COL23A1: variants seen among roughly 807,000 people sequenced by gnomAD.
COL23A1 encodes the protein collagen alpha-1(XXIII) chain.
COL23A1 carries 97 observed loss-of-function variants against 99.3 expected under a neutral mutation model. The observed-to-expected ratio is 0.98, with a 90% CI of 0.83 to 1.16. The LOEUF is 1.16. COL23A1 is among the 50% of genes most tolerant of loss of function. The probability of loss-of-function intolerance (pLI) is 0.00; values close to 1 mark genes in which losing one functional copy is unlikely to be tolerated. For missense variants in COL23A1, 762 were observed against 757.4 expected (o/e 1.01, Z -0.07); for synonymous variants, 320 against 308.2 (o/e 1.04, Z -0.40).
chr5:178,315,708 G>C (rs1029493528), intron 2 of COL23A1, among the ~76,000 whole-genome samples: 13 of 151,946 alleles, frequency 8.6e-5, no homozygotes, highest in Non-Finnish European at 1.8e-4. Context: ...CCAGTCAAGG[G>C]GCTGAGGTTG....
intron 1 of COL23A1, 77 bp from the exon 2 acceptor site, chr5:178,560,825 TC>T: frequency 7.0e-7 from 1 of 1,431,612 alleles, no homozygotes; most frequent in Non-Finnish European, 9.6e-7. Context: ...AGTGGAAACA[TC>T]AGCAAAAACA....
intron 19 of COL23A1, among the ~76,000 whole-genome samples, chr5:178,248,815 T>C (rs1005869520): frequency 8.5e-5 from 13 of 152,278 alleles, no homozygotes; most frequent in Non-Finnish European, 2.9e-5. Flanking sequence ...GGATGCAAAC[T>C]TGGGCAGTTT....
At chr5:178,412,208 A>G (rs1281946001) in intron 2 of COL23A1, among the ~76,000 whole-genome samples, 2 of 152,254 alleles carry the variant, frequency 1.3e-5, no homozygotes, top group Non-Finnish European at 2.9e-5. Flanking sequence ...GCATGTGACA[A>G]TGTGATCTCT....
intron 2 of COL23A1, among the ~76,000 whole-genome samples, chr5:178,432,338 A>G (rs1766308130): frequency 6.6e-6 from 1 of 152,234 alleles, no homozygotes; most frequent in African/African-American, 2.4e-5. Context: ...AAAGCCAAAC[A>G]GAGGACATTT....
intron 2 of COL23A1, among the ~76,000 whole-genome samples, chr5:178,532,901 C>T (rs894436620): frequency 3.0e-4 from 45 of 152,284 alleles, no homozygotes; most frequent in African/African-American, 1.0e-3. Flanking sequence ...AACCCGACCA[C>T]GCTGGCCCTG....
Position 178,262,240 on chromosome 5 carries a change from C to T in COL23A1, c.652G>A (p.Glu218Lys), listed in dbSNP as rs373132226. The change falls in exon 10 of 29, where the codon GAG becomes AAG. Residue 218 changes from glutamate (E) to lysine (K), a missense_variant. Glu to Lys is a moderately conservative substitution (Grantham distance 56). Transcript: ENST00000390654. The part of the protein sequence containing the change: ...GAQGPAGPKG[E>K]PGQDGEMGPK... Reference sequence around the variant, plus strand: ...ACCATCTCGCCGTCTTGTCCGGGCTCTCCTTTGGGGCCCTGCGGAAGTGTG... The same window carrying T: ...ACCATCTCGCCGTCTTGTCCGGGCTTTCCTTTGGGGCCCTGCGGAAGTGTG... 3.2e-6 allele frequency: 5 copies of T among 1,583,266 alleles called. No individual in the cohort carries two copies. The highest frequency in any genetic ancestry group is 1.3e-5 in the African/African-American group (1 of 74,712).
At chr5:178,344,164 C>A (rs1462277982) in intron 2 of COL23A1, among the ~76,000 whole-genome samples, 2 of 152,040 alleles carry the variant, frequency 1.3e-5, no homozygotes, top group African/African-American at 4.8e-5. Context: ...TCCAGCACCC[C>A]CAAAAGATAC....
chr5:178,553,481 C>T (rs1246427941), intron 2 of COL23A1, among the ~76,000 whole-genome samples: 1 of 152,238 alleles, frequency 6.6e-6, no homozygotes, highest in Non-Finnish European at 1.5e-5. Flanking sequence ...AATCACCCGA[C>T]ATTGCAAGTA....
intron 22 of COL23A1, 25 bp downstream of exon 22, chr5:178,247,501 A>G (rs763533423): frequency 1.2e-6 from 2 of 1,613,808 alleles, no homozygotes; most frequent in Admixed American, 1.7e-5. Context: ...GTCTGAGGCC[A>G]GTAGAGGGGT....
chr5:178,377,601 C>T (rs1203815183), intron 2 of COL23A1, among the ~76,000 whole-genome samples: 1 of 152,236 alleles, frequency 6.6e-6, no homozygotes, highest in East Asian at 1.9e-4. Flanking sequence ...AATTCCCCAT[C>T]CCAACCCCAT....
At position 178,279,393 on chromosome 5, in the gene COL23A1, A is replaced by G. The variant is rs145045559; in HGVS notation, c.441+8931T>C. Among the ~76,000 whole-genome samples, 136 of 152,284 alleles carry G rather than the reference A, an allele frequency of 8.9e-4. 2 individuals carry two copies. In the East Asian group the frequency reaches 0.022, roughly 25 times the overall value. ...TGCCCTTCCTGACCGGAGGATGTGC[A>G]GCCTTGGCTCGCACACCCCTGGTGA... On this transcript the variant is annotated intron_variant, in intron 5 of 28. Coordinates refer to ENST00000390654, the MANE Select transcript of COL23A1 (RefSeq NM_173465.4).
At chr5:178,432,183 C>T (rs1434928912) in intron 2 of COL23A1, among the ~76,000 whole-genome samples, 1 of 152,210 alleles carries the variant, frequency 6.6e-6, no homozygotes, top group Non-Finnish European at 1.5e-5. Context: ...GAACCCTTTC[C>T]TTTTATTTCA....
chr5:178,553,003 T>C (rs1411943754), intron 2 of COL23A1, among the ~76,000 whole-genome samples: 2 of 151,996 alleles, frequency 1.3e-5, no homozygotes, highest in African/African-American at 2.4e-5. Flanking sequence ...CCACTGCGCC[T>C]GGCCAGGAAA....
At chr5:178,409,924 C>G (rs993340117) in intron 2 of COL23A1, among the ~76,000 whole-genome samples, 2 of 152,014 alleles carry the variant, frequency 1.3e-5, no homozygotes, top group South Asian at 4.1e-4. Flanking sequence ...AAGAATGAGA[C>G]CTTCATGAAT....
chr5:178,319,098 C>T (rs1372469420), intron 2 of COL23A1, among the ~76,000 whole-genome samples: 3 of 150,420 alleles, frequency 2.0e-5, no homozygotes, highest in South Asian at 4.3e-4. Flanking sequence ...GGGTGGCCAG[C>T]GGTGGGTGGG....
chr5:178,569,426 A>G (rs1581656514), intron 1 of COL23A1, among the ~76,000 whole-genome samples: 1 of 152,208 alleles, frequency 6.6e-6, no homozygotes, highest in African/African-American at 2.4e-5. Context: ...AAGTTTTCCA[A>G]TGGTTTCGTG....
At chr5:178,563,017 C>T (rs563508947) in intron 1 of COL23A1, among the ~76,000 whole-genome samples, 3 of 152,322 alleles carry the variant, frequency 2.0e-5, no homozygotes, top group Non-Finnish European at 4.4e-5. Context: ...CTCCAAGTCC[C>T]CACTGCACCC....
chr5:178,255,128 A>T lies in COL23A1; in HGVS notation c.883-102T>A. The T allele has an allele frequency of 1.0e-6, 1 of 987,052 alleles. No individual in the cohort carries two copies. The highest frequency in any genetic ancestry group is 1.6e-6 in the Non-Finnish European group (1 of 626,620). 61.1% of individuals were successfully genotyped at this position (987,052 alleles called of 1,614,324 possible). A position where few individuals can be genotyped will look rare whatever the true frequency, so the allele number is the denominator to read the frequency against. ...TCACATCCAGAGAGAAAGCAATGGA[A>T]GAGCCTCGTCACCCAGGCTGCACGC... On this transcript the variant is annotated intron_variant, in intron 15 of 28. Coordinates refer to ENST00000390654, the MANE Select transcript of COL23A1 (RefSeq NM_173465.4). This position sits in a 1 kb window ranked among gnomAD's most constrained non-coding sequence, Gnocchi z 4.2.
intron 2 of COL23A1, among the ~76,000 whole-genome samples, chr5:178,402,511 T>C (rs1313789905): frequency 6.6e-6 from 1 of 152,166 alleles, no homozygotes; most frequent in Admixed American, 6.5e-5. Flanking sequence ...AGAGTGACTA[T>C]AGTTAACAAT....
Sources: allele counts gnomAD v4.1 joint callset (sites outside exome capture counted in the v4.1 genomes callset), GRCh38; gene constraint gnomAD v4.1.1; non-coding constraint Gnocchi (gnomAD v3.1); transcripts MANE v1.5; gene names NCBI Gene and HGNC (gene_info 2026-07-23, HGNC 2026-07-21).